TMEM164: variants seen among roughly 807,000 people sequenced by gnomAD.
TMEM164 encodes transmembrane protein 164.
In TMEM164, 4 loss-of-function variants were observed where a neutral mutation model predicts 18.8. The observed-to-expected ratio is 0.21, with a 90% CI of 0.10 to 0.49. TMEM164 has a LOEUF of 0.49. TMEM164 is among the 20% of genes least tolerant of loss of function. The pLI is 0.98. For synonymous variants in TMEM164, 86 were observed against 101.7 expected (o/e 0.85, Z 0.93); for missense variants, 108 against 239.9 (o/e 0.45, Z 3.63).
intron 4 of TMEM164, among the ~76,000 whole-genome samples, chrX:110,112,024 A>ATTT (rs2066296826): frequency 9.0e-6 from 1 of 110,724 alleles, no homozygotes; most frequent in African/African-American, 3.3e-5. Context: ...CCTGAGCAAC[A>ATTT]CAGTGAGAAC....
intron 5 of TMEM164, 95 bp downstream of exon 5, chrX:110,144,971 C>A: frequency 3.2e-6 from 2 of 617,638 alleles, no homozygotes; most frequent in Non-Finnish European, 2.6e-6. Flanking sequence ...TTCCCAGGAT[C>A]TTCAGCTGCC....
chrX:110,091,459 G>T (rs1185899130), intron 3 of TMEM164, among the ~76,000 whole-genome samples: 2 of 111,550 alleles, frequency 1.8e-5, no homozygotes, highest in Non-Finnish European at 3.8e-5. Context: ...TGATGGCCAG[G>T]GATGATGAGC....
chrX:110,173,327 C>T lies in TMEM164; in HGVS notation c.770C>T (p.Ser257Leu), dbSNP rs960234465. The T allele has an allele frequency of 3.3e-6, 4 of 1,211,569 alleles. No individual in the cohort carries two copies. The highest frequency in any genetic ancestry group is 4.5e-6 in the Non-Finnish European group (4 of 895,336). ...GGCCCCTGGTATCGCATCTGGGCCT[C>T]GGGACACCAGACTCTCATGACCATG... is the stretch of plus-strand genomic sequence containing the variant. ...FYGPWYRIWASGHQTLMTMTH... is the reference protein window; with the variant it reads ...FYGPWYRIWALGHQTLMTMTH... The change falls in exon 7 of 7, where the codon TCG becomes TTG. Residue 257 changes from serine to leucine, a missense_variant. Transcript: ENST00000372068.
intron 5 of TMEM164, among the ~76,000 whole-genome samples, chrX:110,159,204 G>A (rs1602729018): frequency 9.0e-6 from 1 of 110,966 alleles, no homozygotes; most frequent in African/African-American, 3.3e-5. Flanking sequence ...GGGATGAAGA[G>A]TTCTGCTTCC....
In TMEM164 at chrX:110,136,229, C is replaced by T. The variant is rs180673875; in HGVS notation, c.508-8569C>T. Among the ~76,000 whole-genome samples the T allele has an allele frequency of 7.1e-3, 792 of 111,244 alleles. 7 individuals carry two copies. Among genetic ancestry groups the T allele is most frequent in the African/African-American group, 0.023 (692 of 30,566 alleles). Reference sequence around the variant, plus strand: ...TTAATGGCAATGTGGTATTCTGTACCATGAATTCATCGTGGTTTTTTTAAC... The same window carrying T: ...TTAATGGCAATGTGGTATTCTGTACTATGAATTCATCGTGGTTTTTTTAAC... On this transcript the variant is annotated intron_variant, in intron 4 of 6. Coordinates refer to ENST00000372068, the MANE Select transcript of TMEM164 (RefSeq NM_032227.4).
intron 2 of TMEM164, among the ~76,000 whole-genome samples, chrX:110,019,554 A>G (rs1369666558): frequency 8.9e-6 from 1 of 111,993 alleles, no homozygotes; most frequent in African/African-American, 3.2e-5. Context: ...ATGTTGGATC[A>G]TGCCATTCCC....
downstream of TMEM164, among the ~76,000 whole-genome samples, chrX:110,180,520 C>T (rs1465931401): frequency 9.3e-6 from 1 of 107,365 alleles, no homozygotes; most frequent in Non-Finnish European, 1.9e-5. Context: ...CACTCTGCCT[C>T]GCATCTGAAT....
intron 3 of TMEM164, among the ~76,000 whole-genome samples, chrX:110,073,496 T>C (rs754666115): frequency 6.2e-5 from 7 of 112,515 alleles, no homozygotes; most frequent in Non-Finnish European, 9.4e-5. Flanking sequence ...ATTCTTTTTA[T>C]GGCTGCATAC....
rs145057376 is a variant in TMEM164 at position 110,136,715 on chromosome X, G to A, written c.508-8083G>A. Among the ~76,000 whole-genome samples, 576 of 110,866 alleles carry A rather than the reference G, an allele frequency of 5.2e-3. 7 individuals are homozygous for A. The highest frequency in any genetic ancestry group is 0.018 in the African/African-American group (551 of 30,465). ...CTGTTCTTCCTTCCTCATCTCCTGG[G>A]ATCCCAAAGCTAATATTTCCATCTG... On this transcript the variant is annotated intron_variant, in intron 4 of 6. Coordinates refer to ENST00000372068, the MANE Select transcript of TMEM164 (RefSeq NM_032227.4).
intron 5 of TMEM164, among the ~76,000 whole-genome samples, chrX:110,159,241 C>T (rs1210239412): frequency 9.0e-6 from 1 of 110,517 alleles, no homozygotes; most frequent in African/African-American, 3.3e-5. Context: ...GTGCTGGTGT[C>T]AGAGTTCGAG....
chrX:110,084,314 G>A (rs2065801095), intron 3 of TMEM164, among the ~76,000 whole-genome samples: 2 of 68,899 alleles, frequency 2.9e-5, no homozygotes, highest in African/African-American at 5.4e-5. Flanking sequence ...GACCAGCTTG[G>A]CCAACATGGT....
chrX:110,060,373 C>T (rs1053126590), intron 2 of TMEM164, among the ~76,000 whole-genome samples: 8 of 109,827 alleles, frequency 7.3e-5, no homozygotes, highest in African/African-American at 2.6e-4. Flanking sequence ...TCAGGGGTAA[C>T]TCTGAGGTGT....
At chrX:110,139,864 A>G (rs1016783424) in intron 4 of TMEM164, among the ~76,000 whole-genome samples, 7 of 110,348 alleles carry the variant, frequency 6.3e-5, no homozygotes, top group African/African-American at 2.3e-4. Context: ...TTGTGAGAGT[A>G]GGGATATTAG....
intron 5 of TMEM164, among the ~76,000 whole-genome samples, chrX:110,161,514 G>A (rs779361404): frequency 2.7e-5 from 3 of 112,175 alleles, no homozygotes; most frequent in East Asian, 5.6e-4. Context: ...GGGTAGGTGA[G>A]TTTCTGAAGA....
In TMEM164 at chrX:110,175,235, C is replaced by T. The variant is rs1162420314; in HGVS notation, c.*1784C>T. On this transcript the variant is annotated 3_prime_UTR_variant, in exon 7 of 7. Transcript: ENST00000372068. ...GAATGGCTGGATTGGCCCTGCCCACCGTCAAACTGCTACATGTAGGAATAG... is the reference window on the plus strand; with the variant it reads ...GAATGGCTGGATTGGCCCTGCCCACTGTCAAACTGCTACATGTAGGAATAG... 1.8e-5 allele frequency: 2 copies of T among 113,048 alleles called. No homozygotes were observed. The highest frequency in any genetic ancestry group is 3.7e-5 in the Non-Finnish European group (2 of 53,354). 9.3% of individuals were successfully genotyped at this position (113,048 alleles called of 1,213,427 possible). A position where few individuals can be genotyped will look rare whatever the true frequency, so the allele number is the denominator to read the frequency against.
At chrX:110,178,285 A>G (rs1471906187), downstream of TMEM164, among the ~76,000 whole-genome samples, 1 of 112,033 alleles carries the variant, frequency 8.9e-6, no homozygotes. Flanking sequence ...CCCTTTTTAC[A>G]CAGGACAGAG....
intron 2 of TMEM164, among the ~76,000 whole-genome samples, chrX:110,024,855 T>A (rs990274171): frequency 4.5e-5 from 5 of 112,195 alleles, no homozygotes; most frequent in Non-Finnish European, 9.4e-5. Context: ...CTAGGTCTAG[T>A]GTATGGTATC....
chrX:110,104,925 C>T (rs1292895245), intron 3 of TMEM164, among the ~76,000 whole-genome samples: 8 of 111,416 alleles, frequency 7.2e-5, no homozygotes, highest in Non-Finnish European at 1.1e-4. Context: ...ATACTCTGAG[C>T]TGGTAAGGAG....
At chrX:110,008,814 G>A (rs925778954) in intron 2 of TMEM164, among the ~76,000 whole-genome samples, 2 of 111,759 alleles carry the variant, frequency 1.8e-5, no homozygotes, top group African/African-American at 6.5e-5. Flanking sequence ...TGAATTCTCT[G>A]AATAATTATG....
Sources: allele counts gnomAD v4.1 joint callset (sites outside exome capture counted in the v4.1 genomes callset), GRCh38; gene constraint gnomAD v4.1.1; transcripts MANE v1.5; gene names NCBI Gene and HGNC (gene_info 2026-07-23, HGNC 2026-07-21).